NLRC4: variants seen among roughly 807,000 people sequenced by gnomAD.
The protein encoded by NLRC4 is NLR family CARD domain containing 4.
Under a neutral mutation model 79.9 loss-of-function variants are expected in NLRC4, and 63 were observed. The ratio of observed to expected loss-of-function variants is 0.79; its 90% confidence interval spans 0.64 to 0.97. The LOEUF (loss-of-function observed/expected upper bound fraction) is 0.97. NLRC4 is among the 50% of genes least tolerant of loss of function. The pLI, the probability that NLRC4 is intolerant of heterozygous loss-of-function variation, is 0.00. For synonymous variants in NLRC4, 461 were observed against 456.5 expected, an observed-to-expected ratio of 1.01 and a Z score of -0.12; for missense variants, 1,074 against 1,215.2, an observed-to-expected ratio of 0.88 and a Z score of 1.73.
Position 32,251,237 on chromosome 2 carries a change from C to T in NLRC4, c.627G>A (p.Gln209=), listed in dbSNP as rs1473947585. ...FVFFLRLSRA[Q]GGLFETLCDQ... is the part of the protein sequence containing the mutation. ...CACAGAGGGTTTCAAAAAGTCCACC[C>T]TGGGCCCTGCTGAGACGGAGGAAGA... Residue 209 remains glutamine (Q), a synonymous_variant, in exon 4 of 9, where the codon CAG becomes CAA. Coordinates refer to ENST00000402280, the MANE Select transcript of NLRC4 (RefSeq NM_001199138.2). The T allele has an allele frequency of 1.2e-6, 2 of 1,614,056 alleles. No individual in the cohort carries two copies. Among genetic ancestry groups the T allele is most frequent in the East Asian group, 2.2e-5 (1 of 44,888 alleles).
chr2:32,253,813 A>G (rs1281629383), intron 2 of NLRC4, among the ~76,000 whole-genome samples: 2 of 151,688 alleles, frequency 1.3e-5, no homozygotes, highest in Non-Finnish European at 2.9e-5. Flanking sequence ...AAAAATGCAA[A>G]ATTAGCCAGG....
intron 4 of NLRC4, among the ~76,000 whole-genome samples, chr2:32,246,761 A>C (rs571035672): frequency 6.6e-6 from 1 of 152,348 alleles, no homozygotes; most frequent in African/African-American, 2.4e-5. Context: ...AATATTCCCC[A>C]AATCTTCTGT....
rs56237513 is a variant in NLRC4 at position 32,245,684 on chromosome 2, G to A, written c.2257+3923C>T. 8.4e-3 allele frequency among the ~76,000 whole-genome samples: 1,272 copies of A among 152,192 alleles called. 13 individuals carry two copies. Among genetic ancestry groups the A allele is most frequent in the African/African-American group, 0.029 (1,207 of 41,508 alleles). On this transcript the variant is annotated intron_variant, in intron 4 of 8. Coordinates refer to ENST00000402280, the MANE Select transcript of NLRC4 (RefSeq NM_001199138.2). The stretch of plus-strand genomic sequence containing the variant: ...ATGGATACTCCATTTTCCATGATGT[G>A]ATTATTACACATTGCATGCCTGGAT...
upstream of NLRC4, chr2:32,265,569 A>G (rs1459834365): frequency 6.6e-6 from 1 of 152,390 alleles, no homozygotes; most frequent in Non-Finnish European, 1.5e-5. Flanking sequence ...TTGCTACTGC[A>G]TTCAAGGTCA....
Position 32,235,495 on chromosome 2 carries a change from C to T in NLRC4, c.2688G>A (p.Leu896=), listed in dbSNP as rs1330422567. ...LPWGCDVQGS[L]SSLLKHLEEV... ...CCTCCAAATGTTTCAACAGGCTGCT[C>T]AGGCTGCCTTGCACGTCACAGCCCC... Residue 896 remains leucine (L), a synonymous_variant, in exon 8 of 9, where the codon CTG becomes CTA. Coordinates refer to ENST00000402280, the MANE Select transcript of NLRC4 (RefSeq NM_001199138.2). 15 of 1,614,102 alleles carry T rather than the reference C, an allele frequency of 9.3e-6. No homozygotes were observed. Among genetic ancestry groups the T allele is most frequent in the African/African-American group, 1.3e-5 (1 of 75,052 alleles).
intron 8 of NLRC4, among the ~76,000 whole-genome samples, chr2:32,232,786 A>C (rs1686568117): frequency 6.6e-6 from 1 of 152,250 alleles, no homozygotes; most frequent in Non-Finnish European, 1.5e-5. Flanking sequence ...AGTGAAGTAA[A>C]AGAACTGGTG....
Position 32,260,137 on chromosome 2 carries a change from G to A in NLRC4, c.-118-3244C>T, listed in dbSNP as rs1177912235. The stretch of plus-strand genomic sequence containing the variant: ...CCAGCTACTTGGGAGGCTGAGGCAG[G>A]AGAATCACTTGAACCCAGGAAGCGG... On this transcript the variant is annotated intron_variant, in intron 1 of 8. Coordinates refer to ENST00000402280, the MANE Select transcript of NLRC4 (RefSeq NM_001199138.2). Among the ~76,000 whole-genome samples, 4 of 139,750 alleles carry A rather than the reference G, an allele frequency of 2.9e-5. No individual in the cohort carries two copies. The Admixed American group carries it at 3.2e-4, about 11-fold the overall frequency. The allele number at this position is 139,750 out of a possible 152,430, so 91.7% of individuals were successfully genotyped here. A position where few individuals can be genotyped will look rare whatever the true frequency, so the allele number is the denominator to read the frequency against.
At chr2:32,236,873 C>A (rs201646848) in intron 6 of NLRC4, among the ~76,000 whole-genome samples, 1 of 110,890 alleles carries the variant, frequency 9.0e-6, no homozygotes, top group Non-Finnish European at 1.9e-5. Context: ...AGAAAAAAAA[C>A]AAATAGCAAA....
At chr2:32,255,295 C>T (rs965427042) in intron 2 of NLRC4, among the ~76,000 whole-genome samples, 6 of 151,664 alleles carry the variant, frequency 4.0e-5, no homozygotes, top group Non-Finnish European at 5.9e-5. Flanking sequence ...CTGAGGTGGG[C>T]GGATTATCTG....
At chr2:32,242,538 A>T (rs1054288072) in intron 4 of NLRC4, among the ~76,000 whole-genome samples, 2 of 152,224 alleles carry the variant, frequency 1.3e-5, no homozygotes, top group African/African-American at 4.8e-5. Flanking sequence ...CGGAAAAGAC[A>T]TCTGTAGGCA....
chr2:32,236,372 T>G, intron 6 of NLRC4, 33 bp from the exon 7 acceptor site: 2 of 1,321,476 alleles, frequency 1.5e-6, no homozygotes, highest in Non-Finnish European at 2.2e-6. Flanking sequence ...AATAAAAAGA[T>G]TTTCAGGTAA....
Position 32,258,299 on chromosome 2 carries a change from G to A in NLRC4, c.-118-1406C>T, listed in dbSNP as rs1046750238. ...CCAGCTGCTTGTATGTTCTTCCGCC[G>A]ATGTGTTCCTCTCGACGTCCAGCCG... On this transcript the variant is annotated intron_variant, in intron 1 of 8. Coordinates refer to ENST00000402280, the MANE Select transcript of NLRC4 (RefSeq NM_001199138.2). Among the ~76,000 whole-genome samples the A allele has an allele frequency of 3.9e-5, 6 of 152,122 alleles. No individual in the cohort carries two copies. In the East Asian group the frequency reaches 9.6e-4, roughly 24 times the overall value.
At chr2:32,233,350 T>TATATATATA (rs1491211096) in intron 8 of NLRC4, among the ~76,000 whole-genome samples, 101 of 24,382 alleles carry the variant, frequency 4.1e-3, no homozygotes, top group African/African-American at 6.4e-3. Context: ...TATATATATA[T>TATATATATA]TTTTTTTTTT....
At chr2:32,251,643 G>A in intron 3 of NLRC4, 42 bp from the exon 4 acceptor site, 2 of 1,379,230 alleles carry the variant, frequency 1.5e-6, no homozygotes, top group Non-Finnish European at 2.0e-6. Context: ...CCAATTCTGT[G>A]TCTCCTCAAA....
In NLRC4 at chr2:32,252,399, C is replaced by G. The variant is rs2148943710; in HGVS notation, c.262+20G>C. 6.3e-7 allele frequency: 1 copy of G among 1,580,382 alleles called. No individual in the cohort carries two copies. The highest frequency in any genetic ancestry group is 8.7e-7 in the Non-Finnish European group (1 of 1,149,934). Reference sequence around the variant, plus strand: ...TCTATTCTACTTGCAGAAACAGATGCAAAACTAACTGATACTTACTTTGTC... The same window carrying G: ...TCTATTCTACTTGCAGAAACAGATGGAAAACTAACTGATACTTACTTTGTC... On this transcript the variant is annotated intron_variant, in intron 3 of 8. Coordinates refer to ENST00000402280, the MANE Select transcript of NLRC4 (RefSeq NM_001199138.2).
intron 1 of NLRC4, among the ~76,000 whole-genome samples, chr2:32,257,997 T>C (rs1426752203): frequency 6.6e-6 from 1 of 152,138 alleles, no homozygotes; most frequent in Non-Finnish European, 1.5e-5. Context: ...ACAGAGGGCT[T>C]TCTGTATTCC....
chr2:32,238,115 A>G lies in NLRC4; in HGVS notation c.2521+17T>C. On this transcript the variant is annotated intron_variant, in intron 6 of 8. Coordinates refer to ENST00000402280, the MANE Select transcript of NLRC4 (RefSeq NM_001199138.2). ...CTGTTATACTGTCCTCATTCAGTTA[A>G]TGGAAGCAACAGTTACCTAGGATTT... 2.5e-6 allele frequency: 4 copies of G among 1,605,508 alleles called. No individual in the cohort carries two copies. Among genetic ancestry groups the G allele is most frequent in the Non-Finnish European group, 3.4e-6 (4 of 1,173,726 alleles).
intron 4 of NLRC4, among the ~76,000 whole-genome samples, chr2:32,246,784 T>C (rs1009252591): frequency 2.0e-5 from 3 of 152,244 alleles, no homozygotes; most frequent in Admixed American, 1.3e-4. Context: ...TTCATTCTTC[T>C]TTTTCTTTTC....
chr2:32,261,758 C>T (rs1049034245), intron 1 of NLRC4, among the ~76,000 whole-genome samples: 2 of 152,032 alleles, frequency 1.3e-5, no homozygotes, highest in African/African-American at 4.8e-5. Flanking sequence ...TATGTTAAAA[C>T]TGATTCATTA....
Sources: allele counts gnomAD v4.1 joint callset (sites outside exome capture counted in the v4.1 genomes callset), GRCh38; gene constraint gnomAD v4.1.1; transcripts MANE v1.5; gene names NCBI Gene and HGNC (gene_info 2026-07-23, HGNC 2026-07-21).